Variants in GPHN observed in about 807,000 individuals in gnomAD.
The protein encoded by GPHN is gephyrin.
A neutral mutation model predicts 95.5 loss-of-function variants in GPHN; 17 were observed. The observed-to-expected ratio is 0.18, with a 90% CI of 0.12 to 0.27. The LOEUF (loss-of-function observed/expected upper bound fraction) is 0.27. Among genes scored for constraint, GPHN ranks in the 10% least tolerant of loss-of-function variants. The probability of loss-of-function intolerance (pLI) is 1.00; values close to 1 mark genes in which losing one functional copy is unlikely to be tolerated. For missense variants in GPHN, 660 were observed against 978.1 expected (o/e 0.67, Z 4.34); for synonymous variants, 320 against 322.5 (o/e 0.99, Z 0.08).
the GPHN span, chr14:67,204,537 G>A: frequency 6.2e-7 from 1 of 1,611,746 alleles, no homozygotes; most frequent in Non-Finnish European, 8.5e-7. Context: ...TTGTTTGCAG[G>A]TTTCTCCCTC....
At chr14:67,437,457 T>A in the GPHN span, among the ~76,000 whole-genome samples, 1,631 of 152,210 alleles carry the variant, frequency 0.011, 9 homozygotes, top group Non-Finnish European at 0.017. Flanking sequence ...GTTAGGAGAT[T>A]TCCATTTTTG....
chr14:66,793,216 T>C (rs1410490130), intron 3 of GPHN, among the ~76,000 whole-genome samples: 2 of 152,264 alleles, frequency 1.3e-5, no homozygotes, highest in Non-Finnish European at 2.9e-5. Flanking sequence ...TGTACAATTA[T>C]AGAAGACAGT....
chr14:66,562,945 C>T (rs893171300), intron 1 of GPHN, among the ~76,000 whole-genome samples: 1 of 151,728 alleles, frequency 6.6e-6, no homozygotes, highest in African/African-American at 2.4e-5. Context: ...AATCCTTATG[C>T]GAAAGTGGCG....
At position 67,007,718 on chromosome 14, in the gene GPHN, C is replaced by T. The variant is rs1234739025; in HGVS notation, c.964-15915C>T. 3.3e-5 allele frequency among the ~76,000 whole-genome samples: 5 copies of T among 152,186 alleles called. No homozygotes were observed. In the East Asian group the frequency reaches 9.6e-4, roughly 29 times the overall value. The stretch of plus-strand genomic sequence containing the variant: ...TCACTGTGCTTTCACTTGCAATTAT[C>T]TAACTTTCAGACATAACTGAACTCT... On this transcript the variant is annotated intron_variant, in intron 9 of 22. Coordinates refer to ENST00000478722, the MANE Select transcript of GPHN (RefSeq NM_020806.5).
chr14:66,914,810 A>G (rs1254377722), intron 5 of GPHN, among the ~76,000 whole-genome samples: 1 of 152,088 alleles, frequency 6.6e-6, no homozygotes, highest in Admixed American at 6.6e-5. Context: ...AAAATGTAGC[A>G]TTTTAGTTTG....
the GPHN span, chr14:67,735,204 T>A: frequency 7.6e-6 from 11 of 1,447,354 alleles, no homozygotes; most frequent in Non-Finnish European, 8.7e-6. Context: ...GATTCCAGAC[T>A]CCATCATTTC....
At chr14:67,158,578 T>C (rs2081764250) in intron 18 of GPHN, among the ~76,000 whole-genome samples, 1 of 152,216 alleles carries the variant, frequency 6.6e-6, no homozygotes, top group Admixed American at 6.5e-5. Context: ...GACAGGTTAC[T>C]GGACTCATTT....
At chr14:66,949,237 A>G (rs2067944834) in intron 8 of GPHN, among the ~76,000 whole-genome samples, 1 of 152,108 alleles carries the variant, frequency 6.6e-6, no homozygotes, top group Non-Finnish European at 1.5e-5. Flanking sequence ...GGCACATGCA[A>G]TCACACGCAG....
intron 10 of GPHN, among the ~76,000 whole-genome samples, chr14:67,038,988 CATA>C (rs1325954317): frequency 2.0e-5 from 3 of 152,270 alleles, no homozygotes; most frequent in African/African-American, 7.2e-5. Flanking sequence ...ATTGCAGTAG[CATA>C]ATAATTGCTC....
the GPHN span, chr14:67,620,994 T>C: frequency 1.2e-6 from 2 of 1,604,750 alleles, no homozygotes; most frequent in Non-Finnish European, 8.5e-7. Flanking sequence ...TAGATATTAG[T>C]GCAGGACTAG....
chr14:66,675,805 C>G (rs751798744), intron 1 of GPHN, among the ~76,000 whole-genome samples: 66 of 152,058 alleles, frequency 4.3e-4, no homozygotes, highest in Non-Finnish European at 7.8e-4. Context: ...GATGTACTTT[C>G]ATTCTTCTGC....
chr14:66,962,575 A>T (rs1268892534), intron 8 of GPHN, among the ~76,000 whole-genome samples: 1 of 151,986 alleles, frequency 6.6e-6, no homozygotes, highest in East Asian at 1.9e-4. Flanking sequence ...CACCAAAAAA[A>T]TAGTAGTAAT....
At chr14:67,627,193 A>C in the GPHN span, among the ~76,000 whole-genome samples, 1 of 150,702 alleles carries the variant, frequency 6.6e-6, no homozygotes, top group African/African-American at 2.4e-5. Flanking sequence ...AAAAGGATGA[A>C]TTTTATGGTA....
the GPHN span, chr14:67,470,716 G>A: frequency 6.6e-6 from 1 of 152,252 alleles, no homozygotes; most frequent in Non-Finnish European, 1.5e-5. Context: ...TGACTCACTG[G>A]CATTGAAGAG....
At chr14:66,691,860 C>T (rs1435965927) in intron 2 of GPHN, among the ~76,000 whole-genome samples, 1 of 152,084 alleles carries the variant, frequency 6.6e-6, no homozygotes, top group Non-Finnish European at 1.5e-5. Flanking sequence ...ATAGGGTCTG[C>T]AGAAAACAAA....
intron 9 of GPHN, among the ~76,000 whole-genome samples, chr14:67,011,834 T>TTATACATATATATATATATA (rs2073031439): frequency 1.4e-5 from 2 of 147,984 alleles, no homozygotes; most frequent in African/African-American, 4.9e-5. Flanking sequence ...TACACAGATT[T>TTATACATATATATATATATA]TATATATATA....
the GPHN span, among the ~76,000 whole-genome samples, chr14:67,664,320 T>C: frequency 1.3e-5 from 2 of 152,176 alleles, no homozygotes; most frequent in Admixed American, 1.3e-4. Context: ...CTACTCCAGG[T>C]ACACCATTAA....
At chr14:66,842,661 C>T in intron 4 of GPHN, 1 of 1,532,526 alleles carries the variant, frequency 6.5e-7, no homozygotes, top group Non-Finnish European at 8.7e-7. Flanking sequence ...CTTTTCTCTT[C>T]TGTTTTTCTG....
the GPHN span, chr14:67,221,997 A>G: frequency 1.6e-6 from 1 of 643,414 alleles, no homozygotes; most frequent in East Asian, 3.0e-5. Context: ...GCCGATCCTC[A>G]GGCTATCTTT....
Sources: allele counts gnomAD v4.1 joint callset (sites outside exome capture counted in the v4.1 genomes callset), GRCh38; gene constraint gnomAD v4.1.1; transcripts MANE v1.5; gene names NCBI Gene and HGNC (gene_info 2026-07-23, HGNC 2026-07-21).